The following FBXO34 variants were observed in gnomAD, a reference collection of about 807,000 sequenced individuals.
FBXO34 encodes F-box protein 34.
A neutral mutation model predicts 24.5 loss-of-function variants in FBXO34; 12 were observed. The observed-to-expected ratio is 0.49, with a 90% CI of 0.31 to 0.79. The LOEUF is 0.79. Ranked by LOEUF, FBXO34 falls within the 30% of genes least tolerant of loss-of-function variation. The probability of loss-of-function intolerance (pLI) is 0.04; values close to 1 mark genes in which losing one functional copy is unlikely to be tolerated. For missense variants in FBXO34, 823 were observed against 857.7 expected (o/e 0.96, Z 0.51); for synonymous variants, 320 against 311.9 (o/e 1.03, Z -0.27).
intron 1 of FBXO34, among the ~76,000 whole-genome samples, chr14:55,344,944 G>A (rs1366630284): frequency 6.6e-6 from 1 of 150,874 alleles, no homozygotes. Context: ...GGGCAGCAAC[G>A]ATGTTTTACT....
the FBXO34 span, chr14:55,436,966 T>A: frequency 3.8e-5 from 61 of 1,614,032 alleles, no homozygotes; most frequent in Middle Eastern, 1.6e-4. Flanking sequence ...TATGTACATA[T>A]CATAAGGTAC....
the FBXO34 span, among the ~76,000 whole-genome samples, chr14:55,393,607 G>A: frequency 1.3e-5 from 2 of 150,580 alleles, no homozygotes; most frequent in African/African-American, 2.5e-5. Context: ...GTATGGTGGT[G>A]TGATTACAGC....
chr14:55,435,295 G>C, the FBXO34 span, among the ~76,000 whole-genome samples: 1 of 91,866 alleles, frequency 1.1e-5, no homozygotes, highest in Non-Finnish European at 2.2e-5. Flanking sequence ...TTTTTTTTTT[G>C]GAGACGGAGT....
intron 1 of FBXO34, among the ~76,000 whole-genome samples, chr14:55,329,066 A>G (rs1883446588): frequency 6.6e-6 from 1 of 151,410 alleles, no homozygotes. Context: ...ACTTAATGAG[A>G]AGTTCCTAGA....
chr14:55,411,680 G>C, the FBXO34 span: 1 of 1,613,360 alleles, frequency 6.2e-7, no homozygotes, highest in South Asian at 1.1e-5. Context: ...CCGGCGGGTA[G>C]TGTTGCACAG....
the FBXO34 span, among the ~76,000 whole-genome samples, chr14:55,393,101 A>G: frequency 2.0e-5 from 3 of 152,168 alleles, no homozygotes; most frequent in South Asian, 2.1e-4. Flanking sequence ...GAAATATATG[A>G]CTGGGCGCGG....
At chr14:55,390,645 ACAGG>A in the FBXO34 span, among the ~76,000 whole-genome samples, 4 of 152,240 alleles carry the variant, frequency 2.6e-5, no homozygotes, top group African/African-American at 9.6e-5. Flanking sequence ...TGCTGGGATT[ACAGG>A]CGTGAGCTAC....
chr14:55,411,700 C>G, the FBXO34 span: 1 of 1,612,964 alleles, frequency 6.2e-7, no homozygotes, highest in South Asian at 1.1e-5. Flanking sequence ...GCGGGCAGCG[C>G]TCCACAGCCA....
the FBXO34 span, among the ~76,000 whole-genome samples, chr14:55,438,570 C>G: frequency 6.6e-6 from 1 of 152,158 alleles, no homozygotes; most frequent in Admixed American, 6.5e-5. Flanking sequence ...TTCCCCTTCC[C>G]CTTCCCCATC....
At chr14:55,296,729 A>G (rs1186496654) in intron 1 of FBXO34, among the ~76,000 whole-genome samples, 1 of 152,112 alleles carries the variant, frequency 6.6e-6, no homozygotes, top group Non-Finnish European at 1.5e-5. Context: ...AAACTTGCCC[A>G]TAATTTACAC....
chr14:55,392,288 G>A, the FBXO34 span, among the ~76,000 whole-genome samples: 2 of 152,154 alleles, frequency 1.3e-5, no homozygotes, highest in East Asian at 1.9e-4. Context: ...ACAGGCCACA[G>A]CCCAGTAGGT....
chr14:55,296,400 T>G (rs566197320), intron 1 of FBXO34, among the ~76,000 whole-genome samples: 2,395 of 133,496 alleles, frequency 0.018, 64 homozygotes, highest in African/African-American at 0.058. Context: ...TGTTTTTTTT[T>G]TTTTTTTTTT....
intron 1 of FBXO34, among the ~76,000 whole-genome samples, chr14:55,312,819 T>C (rs1031811485): frequency 6.6e-6 from 1 of 152,224 alleles, no homozygotes; most frequent in African/African-American, 2.4e-5. Flanking sequence ...CAGGAAACCA[T>C]TTTTTCCTCC....
the FBXO34 span, among the ~76,000 whole-genome samples, chr14:55,397,670 T>C: frequency 6.6e-6 from 1 of 152,228 alleles, no homozygotes; most frequent in Non-Finnish European, 1.5e-5. Flanking sequence ...AATATGTCTA[T>C]AGATATCTTC....
chr14:55,440,178 G>C, the FBXO34 span, among the ~76,000 whole-genome samples: 1 of 152,100 alleles, frequency 6.6e-6, no homozygotes, highest in Non-Finnish European at 1.5e-5. Flanking sequence ...CTGAGTGAAC[G>C]GTTCTGGATT....
chr14:55,394,532 A>G, the FBXO34 span, among the ~76,000 whole-genome samples: 1 of 152,188 alleles, frequency 6.6e-6, no homozygotes, highest in Non-Finnish European at 1.5e-5. Flanking sequence ...GCTGTTACGC[A>G]TGTCCCACCA....
the FBXO34 span, chr14:55,424,171 C>T: frequency 1.2e-6 from 2 of 1,612,468 alleles, no homozygotes; most frequent in Non-Finnish European, 1.7e-6. Flanking sequence ...GTCAACACAA[C>T]TTTTCCAGAT....
At chr14:55,354,802 C>A (rs1256847637), downstream of FBXO34, among the ~76,000 whole-genome samples, 1 of 152,042 alleles carries the variant, frequency 6.6e-6, no homozygotes, top group African/African-American at 2.4e-5. Flanking sequence ...TCTTCAGGGC[C>A]CCCTAGTGCC....
chr14:55,422,463 C>T, the FBXO34 span, among the ~76,000 whole-genome samples: 1 of 152,090 alleles, frequency 6.6e-6, no homozygotes, highest in East Asian at 1.9e-4. Context: ...GTTGGCCAGG[C>T]TCATCTTGAA....
Sources: gnomAD v4.1 joint callset for allele counts (sites outside exome capture counted in the v4.1 genomes callset) on GRCh38, gnomAD v4.1.1 for gene constraint, MANE v1.5 for transcripts, NCBI Gene and HGNC (gene_info 2026-07-23, HGNC 2026-07-21) for gene names.